The following SLC24A2 variants were observed in gnomAD, a reference collection of about 807,000 sequenced individuals.
SLC24A2 encodes the protein solute carrier family 24 member 2.
Under a neutral mutation model 62.0 loss-of-function variants are expected in SLC24A2, and 36 were observed. The ratio of observed to expected loss-of-function variants is 0.58; its 90% confidence interval spans 0.44 to 0.77. SLC24A2 has a LOEUF of 0.77. SLC24A2 is among the 30% of genes least tolerant of loss of function. The pLI, the probability that SLC24A2 is intolerant of heterozygous loss-of-function variation, is 0.00. For missense variants in SLC24A2, 846 were observed against 817.9 expected (o/e 1.03, Z -0.42); for synonymous variants, 358 against 294.0 (o/e 1.22, Z -2.23).
the SLC24A2 span, among the ~76,000 whole-genome samples, chr9:20,141,078 G>C: frequency 6.6e-6 from 1 of 152,100 alleles, no homozygotes; most frequent in African/African-American, 2.4e-5. Flanking sequence ...AGCAAAACCA[G>C]GGTTCAAATG....
At chr9:20,070,087 C>T in the SLC24A2 span, among the ~76,000 whole-genome samples, 2 of 152,036 alleles carry the variant, frequency 1.3e-5, no homozygotes, top group African/African-American at 4.8e-5. Context: ...CTTTAAAAGC[C>T]CTTTAAATGA....
the SLC24A2 span, among the ~76,000 whole-genome samples, chr9:20,278,312 T>C: frequency 6.6e-6 from 1 of 152,212 alleles, no homozygotes; most frequent in Non-Finnish European, 1.5e-5. Context: ...TTTTGAACTC[T>C]TATGCTCTGC....
the SLC24A2 span, among the ~76,000 whole-genome samples, chr9:19,821,670 C>T: frequency 6.6e-6 from 1 of 151,836 alleles, no homozygotes; most frequent in South Asian, 2.1e-4. Flanking sequence ...TTTTAAATGC[C>T]ATCCTCATTA....
chr9:19,671,908 T>C lies in SLC24A2; in HGVS notation c.931-49609A>G, dbSNP rs1323580628. Among the ~76,000 whole-genome samples, 2 of 146,486 alleles carry C rather than the reference T, an allele frequency of 1.4e-5. 1 individual carries two copies. The highest frequency in any genetic ancestry group is 5.4e-5 in the African/African-American group (2 of 37,134). On this transcript the variant is annotated intron_variant, in intron 2 of 10. Coordinates refer to ENST00000341998, the MANE Select transcript of SLC24A2 (RefSeq NM_020344.4). ...CCTGCATCCCTGGTATGAAACCCAATTGATTATGGTGGATTTTTTTTTGAT... is the reference window on the plus strand; with the variant it reads ...CCTGCATCCCTGGTATGAAACCCAACTGATTATGGTGGATTTTTTTTTGAT...
At chr9:20,022,274 G>T in the SLC24A2 span, among the ~76,000 whole-genome samples, 2 of 152,120 alleles carry the variant, frequency 1.3e-5, no homozygotes, top group African/African-American at 4.8e-5. Flanking sequence ...ATTTATGAAT[G>T]ATAAAAATAC....
chr9:19,699,488 G>A (rs1049724809), intron 2 of SLC24A2, among the ~76,000 whole-genome samples: 3 of 152,024 alleles, frequency 2.0e-5, no homozygotes, highest in Non-Finnish European at 2.9e-5. Context: ...ACTAAATTAC[G>A]GTTACATTCA....
At chr9:19,608,298 A>G (rs1258890168) in intron 4 of SLC24A2, among the ~76,000 whole-genome samples, 1 of 152,140 alleles carries the variant, frequency 6.6e-6, no homozygotes, top group Non-Finnish European at 1.5e-5. Context: ...ACAAAAATTT[A>G]TGAAAGCTCA....
At chr9:20,155,148 G>GA in the SLC24A2 span, among the ~76,000 whole-genome samples, 652 of 113,072 alleles carry the variant, frequency 5.8e-3, no homozygotes, top group Middle Eastern at 0.024. Flanking sequence ...AAAAGAAAAA[G>GA]AAAAAAAAAA....
chr9:19,767,351 A>C (rs1291533206), intron 2 of SLC24A2, among the ~76,000 whole-genome samples: 1 of 152,194 alleles, frequency 6.6e-6, no homozygotes, highest in Non-Finnish European at 1.5e-5. Flanking sequence ...AAAACAAAAA[A>C]CAAAAAACTT....
the SLC24A2 span, among the ~76,000 whole-genome samples, chr9:20,224,672 G>A: frequency 2.0e-5 from 3 of 151,822 alleles, no homozygotes; most frequent in Middle Eastern, 3.4e-3. Flanking sequence ...AAGAGGGGAG[G>A]GGAGGAAAAG....
At chr9:20,082,948 G>A in the SLC24A2 span, among the ~76,000 whole-genome samples, 2 of 152,150 alleles carry the variant, frequency 1.3e-5, no homozygotes, top group African/African-American at 2.4e-5. Context: ...GAATTATTCT[G>A]TGTCTCAATA....
rs373768532 is a variant in SLC24A2, at chr9:19,762,954, C to T, written c.930+22983G>A. ...TATCGATTCTTCCTATCCATGAGCA[C>T]GGAATGTTTTTCCCATTTGTTTGAG... On this transcript the variant is annotated intron_variant, in intron 2 of 10. Coordinates refer to ENST00000341998, the MANE Select transcript of SLC24A2 (RefSeq NM_020344.4). Among the ~76,000 whole-genome samples the T allele has an allele frequency of 6.8e-4, 103 of 152,088 alleles. No homozygotes were observed. The South Asian group carries it at 0.014, about 21-fold the overall frequency.
At chr9:20,287,930 A>G in the SLC24A2 span, among the ~76,000 whole-genome samples, 123 of 152,344 alleles carry the variant, frequency 8.1e-4, no homozygotes, top group Admixed American at 7.9e-3. Context: ...AAGTCCATTT[A>G]TTACAAAGTT....
chr9:19,721,203 T>C (rs563465632), intron 2 of SLC24A2, among the ~76,000 whole-genome samples: 11 of 152,266 alleles, frequency 7.2e-5, no homozygotes, highest in Admixed American at 2.6e-4. Context: ...TTTCCAACTC[T>C]GAAAATCCCG....
At chr9:20,051,047 T>C in the SLC24A2 span, among the ~76,000 whole-genome samples, 2 of 152,104 alleles carry the variant, frequency 1.3e-5, no homozygotes, top group Non-Finnish European at 2.9e-5. Flanking sequence ...ATATCACTAA[T>C]TATATTAAGT....
At chr9:20,016,614 A>G in the SLC24A2 span, among the ~76,000 whole-genome samples, 4 of 152,244 alleles carry the variant, frequency 2.6e-5, no homozygotes. Flanking sequence ...TTACTCTTCA[A>G]CTAAAGCTGT....
the SLC24A2 span, among the ~76,000 whole-genome samples, chr9:19,919,133 T>C: frequency 6.6e-6 from 1 of 152,188 alleles, no homozygotes; most frequent in Non-Finnish European, 1.5e-5. Flanking sequence ...CTATCCGAGC[T>C]TGCTTCGGGG....
At position 19,510,693 on chromosome 9, in the gene SLC24A2, C is replaced by T. The variant is rs1314302898; in HGVS notation, c.*5460G>A. 6.6e-6 allele frequency: 1 copy of T among 152,172 alleles called. No individual in the cohort carries two copies. The highest frequency in any genetic ancestry group is 2.4e-5 in the African/African-American group (1 of 41,434). 9.4% of individuals were successfully genotyped at this position (152,172 alleles called of 1,614,324 possible). On this transcript the variant is annotated 3_prime_UTR_variant, in exon 11 of 11. Coordinates refer to ENST00000341998, the MANE Select transcript of SLC24A2 (RefSeq NM_020344.4). Reference sequence around the variant, plus strand: ...CATTCTTTCAGACTTAGATATTTGTCTGTTTTTAAAGATTTTATTAGGTTT... The same window carrying T: ...CATTCTTTCAGACTTAGATATTTGTTTGTTTTTAAAGATTTTATTAGGTTT...
the SLC24A2 span, among the ~76,000 whole-genome samples, chr9:19,978,416 T>G: frequency 6.6e-6 from 1 of 152,038 alleles, no homozygotes; most frequent in Middle Eastern, 3.2e-3. Flanking sequence ...GCCCCTCTTT[T>G]TTTTTTAAAG....
Sources: allele counts gnomAD v4.1 joint callset (sites outside exome capture counted in the v4.1 genomes callset), GRCh38; gene constraint gnomAD v4.1.1; transcripts MANE v1.5; gene names NCBI Gene and HGNC (gene_info 2026-07-23, HGNC 2026-07-21).